AFF3: variants seen among roughly 807,000 people sequenced by gnomAD.
The protein encoded by AFF3 is AF4/FMR2 family member 3.
Under a neutral mutation model 129.7 loss-of-function variants are expected in AFF3, and 32 were observed. The ratio of observed to expected loss-of-function variants is 0.25; its 90% confidence interval spans 0.19 to 0.33. The LOEUF (loss-of-function observed/expected upper bound fraction) is 0.33, where lower values mean the gene tolerates loss of function less well. Ranked by LOEUF, AFF3 falls within the 10% of genes least tolerant of loss-of-function variation. The pLI, the probability that AFF3 is intolerant of heterozygous loss-of-function variation, is 1.00. For missense variants in AFF3, 1,373 were observed against 1,592.0 expected (o/e 0.86, Z 2.34); for synonymous variants, 644 against 635.4 (o/e 1.01, Z -0.20).
chr2:99,916,233 T>C lies in AFF3; in HGVS notation c.874-78709A>G, dbSNP rs181097561. Among the ~76,000 whole-genome samples the C allele has an allele frequency of 2.8e-3, 419 of 152,336 alleles. 2 individuals carry two copies. The highest frequency in any genetic ancestry group is 0.01 in the Middle Eastern group (3 of 294). ...CCCTTCTGCGAGACCTTAGCATTAC[T>C]TCTTCAGACATTTTCTTAAACTCCC... On this transcript the variant is annotated intron_variant, in intron 7 of 24. Coordinates refer to ENST00000672756, the MANE Select transcript of AFF3 (RefSeq NM_001386135.1).
chr2:99,674,819 T>C (rs1310024742), intron 11 of AFF3, among the ~76,000 whole-genome samples: 2 of 152,186 alleles, frequency 1.3e-5, no homozygotes, highest in Admixed American at 6.5e-5. Context: ...AAACTAGCCG[T>C]GCAACTCAGT....
At chr2:99,582,773 T>C (rs1249350171) in intron 17 of AFF3, 25 bp downstream of exon 17, 2 of 1,612,460 alleles carry the variant, frequency 1.2e-6, no homozygotes, top group Non-Finnish European at 1.7e-6. Context: ...TGGTTTTAAT[T>C]GGGAAAGGAA....
chr2:100,135,502 C>G (rs1559140590), intron 1 of AFF3, among the ~76,000 whole-genome samples: 1 of 152,012 alleles, frequency 6.6e-6, no homozygotes, highest in Non-Finnish European at 1.5e-5. Context: ...ACAGGGAGAG[C>G]CTGGGAGAAT....
intron 12 of AFF3, among the ~76,000 whole-genome samples, chr2:99,666,133 T>C (rs1298168361): frequency 6.6e-6 from 1 of 152,182 alleles, no homozygotes; most frequent in African/African-American, 2.4e-5. Context: ...GATGTGGTAT[T>C]GAGAAGTTTA....
chr2:99,636,475 A>G (rs1403278061), intron 13 of AFF3, among the ~76,000 whole-genome samples: 1 of 152,232 alleles, frequency 6.6e-6, no homozygotes, highest in East Asian at 1.9e-4. Flanking sequence ...GAAATTAATG[A>G]GCACTGTCAC....
chr2:99,658,628 TTAATA>T (rs1575618571), intron 12 of AFF3, among the ~76,000 whole-genome samples: 1 of 152,192 alleles, frequency 6.6e-6, no homozygotes, highest in Non-Finnish European at 1.5e-5. Flanking sequence ...TTAATCTACT[TTAATA>T]TTTTTGTCCA....
intron 8 of AFF3, among the ~76,000 whole-genome samples, chr2:99,806,430 C>T (rs954539320): frequency 1.3e-5 from 2 of 152,134 alleles, no homozygotes; most frequent in African/African-American, 2.4e-5. Context: ...CTCAGCTCTG[C>T]GATGGGAGTG....
chr2:99,799,881 A>G (rs1030974009), intron 8 of AFF3, among the ~76,000 whole-genome samples: 7 of 152,162 alleles, frequency 4.6e-5, no homozygotes, highest in Admixed American at 1.3e-4. Flanking sequence ...TGGTACTGGA[A>G]TAACTGGATA....
At chr2:99,700,620 T>C (rs377490487) in intron 11 of AFF3, among the ~76,000 whole-genome samples, 1 of 152,346 alleles carries the variant, frequency 6.6e-6, no homozygotes, top group African/African-American at 2.4e-5. Context: ...GCAGTACAAA[T>C]TGGTTTGTCA....
intron 8 of AFF3, among the ~76,000 whole-genome samples, chr2:99,833,726 G>C (rs886407596): frequency 6.6e-6 from 1 of 152,136 alleles, no homozygotes; most frequent in African/African-American, 2.4e-5. Flanking sequence ...ATAATGCTAT[G>C]AAAAGCACCT....
At chr2:99,560,260 G>T in intron 21 of AFF3, 105 bp downstream of exon 21, 2 of 1,240,696 alleles carry the variant, frequency 1.6e-6, no homozygotes, top group Non-Finnish European at 2.3e-6. Context: ...CTGGGGCTTT[G>T]TATGTTAGAA....
chr2:100,112,866 A>C (rs1372912632), intron 2 of AFF3, among the ~76,000 whole-genome samples: 1 of 152,202 alleles, frequency 6.6e-6, no homozygotes, highest in Non-Finnish European at 1.5e-5. Flanking sequence ...GATGGCTCCC[A>C]GTGTTTTTCC....
intron 7 of AFF3, among the ~76,000 whole-genome samples, chr2:99,951,808 G>A (rs981729746): frequency 1.3e-5 from 2 of 152,094 alleles, no homozygotes; most frequent in Admixed American, 1.3e-4. Flanking sequence ...ACCAGGCCTG[G>A]CTAATTTTCA....
At position 99,817,040 on chromosome 2, in the gene AFF3, C is replaced by G. The variant is rs576214408; in HGVS notation, c.921+20437G>C. ...TTCTCTAGAGGGATCCACCAGTGCC[C>G]TCAGGCTGCAGTTCTGTATCCTTCC... On this transcript the variant is annotated intron_variant, in intron 8 of 24. Transcript: ENST00000672756. Among the ~76,000 whole-genome samples, 26 of 152,282 alleles carry G rather than the reference C, an allele frequency of 1.7e-4. No homozygotes were observed. In the South Asian group the frequency reaches 5.0e-3, roughly 29 times the overall value.
chr2:99,811,152 T>C (rs1355866294), intron 8 of AFF3, among the ~76,000 whole-genome samples: 1 of 152,214 alleles, frequency 6.6e-6, no homozygotes, highest in Non-Finnish European at 1.5e-5. Flanking sequence ...TGTAATTATT[T>C]ATCTATTGAG....
At chr2:99,988,301 T>C (rs1328315860) in intron 7 of AFF3, among the ~76,000 whole-genome samples, 1 of 152,020 alleles carries the variant, frequency 6.6e-6, no homozygotes, top group African/African-American at 2.4e-5. Flanking sequence ...GCAGGGTGAG[T>C]AGATGCATAT....
At chr2:99,579,597 G>A (rs945634668) in intron 17 of AFF3, among the ~76,000 whole-genome samples, 6 of 151,912 alleles carry the variant, frequency 3.9e-5, no homozygotes, top group Admixed American at 3.3e-4. Context: ...GTAGGTGCCT[G>A]TAATCCCAGC....
At chr2:99,626,608 A>T (rs1291112741) in intron 13 of AFF3, among the ~76,000 whole-genome samples, 3 of 145,588 alleles carry the variant, frequency 2.1e-5, no homozygotes, top group African/African-American at 7.7e-5. Context: ...TCAGGGGTAC[A>T]TGTGCAGGTT....
chr2:99,909,200 G>T (rs1412525512), intron 7 of AFF3, among the ~76,000 whole-genome samples: 1 of 151,846 alleles, frequency 6.6e-6, no homozygotes, highest in African/African-American at 2.4e-5. Flanking sequence ...CACGGATGAA[G>T]CTGGAAACCA....
Sources: gnomAD v4.1 joint callset for allele counts (sites outside exome capture counted in the v4.1 genomes callset) on GRCh38, gnomAD v4.1.1 for gene constraint, MANE v1.5 for transcripts, NCBI Gene and HGNC (gene_info 2026-07-23, HGNC 2026-07-21) for gene names.